The following ZNF280D variants were observed in gnomAD, a reference collection of about 807,000 sequenced individuals.
ZNF280D encodes suppressor of hairy wing homolog 4.
ZNF280D carries 39 observed loss-of-function variants against 94.7 expected under a neutral mutation model. The observed-to-expected ratio is 0.41, with a 90% confidence interval of 0.32 to 0.54. The LOEUF (loss-of-function observed/expected upper bound fraction) is 0.54. Among genes scored for constraint, ZNF280D ranks in the 20% least tolerant of loss-of-function variants. ZNF280D has a pLI of 0.22. For synonymous variants in ZNF280D, 398 were observed against 377.6 expected (o/e 1.05, Z -0.63); for missense variants, 1,090 against 1,149.3 (o/e 0.95, Z 0.75).
At chr15:56,691,827 G>A (rs2056440270) in intron 7 of ZNF280D, among the ~76,000 whole-genome samples, 1 of 152,106 alleles carries the variant, frequency 6.6e-6, no homozygotes, top group African/African-American at 2.4e-5. Context: ...CCTAAGTAGA[G>A]CAAGAATTAA....
chr15:56,717,652 C>G (rs527820054), intron 1 of ZNF280D, among the ~76,000 whole-genome samples: 1 of 152,030 alleles, frequency 6.6e-6, no homozygotes, highest in Non-Finnish European at 1.5e-5. Flanking sequence ...TATTATTTCA[C>G]CTAATCCTCA....
At chr15:56,726,316 T>A (rs1385667124) in intron 1 of ZNF280D, among the ~76,000 whole-genome samples, 1 of 152,164 alleles carries the variant, frequency 6.6e-6, no homozygotes, top group Non-Finnish European at 1.5e-5. Flanking sequence ...TAAAGTCCAG[T>A]ATACTATCAG....
chr15:56,707,603 CTT>C lies in ZNF280D; in HGVS notation c.-85-299_-85-298del, dbSNP rs527367357. Among the ~76,000 whole-genome samples, 253 of 152,198 alleles carry C rather than the reference CTT, an allele frequency of 1.7e-3. 1 individual carries two copies. The highest frequency in any genetic ancestry group is 5.8e-3 in the African/African-American group (239 of 41,550). ...CAATGTACTGGTTTTGGAAATCTAA[CTT>C]TTCAAACGCTGAGTGACATTAATCT... On this transcript the variant is annotated intron_variant, in intron 1 of 21. Coordinates refer to ENST00000267807, the MANE Select transcript of ZNF280D (RefSeq NM_017661.4).
intron 6 of ZNF280D, among the ~76,000 whole-genome samples, chr15:56,697,431 C>T (rs1436908055): frequency 2.0e-5 from 3 of 152,130 alleles, no homozygotes; most frequent in Admixed American, 6.5e-5. Flanking sequence ...GTGATCCACT[C>T]GCCTCGGCCT....
chr15:56,646,859 A>T (rs2052917710), intron 19 of ZNF280D, among the ~76,000 whole-genome samples: 1 of 152,266 alleles, frequency 6.6e-6, no homozygotes. Flanking sequence ...AAAAAGAGCA[A>T]GAATTAGCAA....
intron 1 of ZNF280D, among the ~76,000 whole-genome samples, chr15:56,716,734 T>C (rs560001446): frequency 2.0e-5 from 3 of 152,272 alleles, no homozygotes; most frequent in East Asian, 3.9e-4. Context: ...TATTTTACCC[T>C]ATTCTATACT....
intron 1 of ZNF280D, among the ~76,000 whole-genome samples, chr15:56,710,077 C>A (rs7164095): frequency 0.19 from 28,569 of 152,186 alleles, 2,807 homozygotes; most frequent in Middle Eastern, 0.32. Flanking sequence ...ATGGAGACAT[C>A]AAAGGCCTCA....
At chr15:56,651,161 C>T (rs536464927) in intron 19 of ZNF280D, among the ~76,000 whole-genome samples, 9 of 152,114 alleles carry the variant, frequency 5.9e-5, no homozygotes, top group Non-Finnish European at 1.2e-4. Context: ...ATACATGATG[C>T]CCAAAGAGGC....
At chr15:56,684,426 A>G (rs1230064907) in intron 9 of ZNF280D, among the ~76,000 whole-genome samples, 1 of 152,202 alleles carries the variant, frequency 6.6e-6, no homozygotes, top group Non-Finnish European at 1.5e-5. Context: ...TAAAAACATA[A>G]TGAAGCAACT....
chr15:56,715,487 C>T (rs1361604593), intron 1 of ZNF280D, among the ~76,000 whole-genome samples: 1 of 151,906 alleles, frequency 6.6e-6, no homozygotes, highest in East Asian at 1.9e-4. Context: ...AATGACTTAA[C>T]TAAGGGCAAT....
Position 56,658,492 on chromosome 15 carries a change from G to A in ZNF280D, c.1995-6C>T. On this transcript the variant is annotated splice_polypyrimidine_tract_variant and splice_region_variant and intron_variant, in intron 16 of 21. Transcript: ENST00000267807. The stretch of plus-strand genomic sequence containing the variant: ...TTGGACGGTTACTATGAAAGCTGGA[G>A]AAACAAAAGAGATAGTAAAAATTTT... The A allele has an allele frequency of 6.5e-7, 1 of 1,545,176 alleles. No individual in the cohort carries two copies. Among genetic ancestry groups the A allele is most frequent in the Non-Finnish European group, 8.7e-7 (1 of 1,152,498 alleles).
chr15:56,720,947 C>T (rs1197257730), intron 1 of ZNF280D, among the ~76,000 whole-genome samples: 2 of 120,582 alleles, frequency 1.7e-5, no homozygotes, highest in Admixed American at 1.1e-4. Context: ...AAAGCATAGG[C>T]AGAGTAGATT....
intron 1 of ZNF280D, among the ~76,000 whole-genome samples, chr15:56,710,073 A>C (rs1596610541): frequency 1.3e-5 from 2 of 152,200 alleles, no homozygotes; most frequent in Non-Finnish European, 1.5e-5. Context: ...TTCAATGGAG[A>C]CATCAAAGGC....
intron 13 of ZNF280D, 96 bp downstream of exon 13, chr15:56,676,574 G>T: frequency 8.9e-7 from 1 of 1,119,132 alleles, no homozygotes; most frequent in Non-Finnish European, 1.2e-6. Context: ...GAACAACTCT[G>T]CTTCTCTTGC....
At chr15:56,730,670 C>T (rs1354177097) in intron 1 of ZNF280D, 1 of 152,256 alleles carries the variant, frequency 6.6e-6, no homozygotes, top group East Asian at 1.9e-4. Context: ...TCTGCCTCCT[C>T]TCTCCTAGTC....
chr15:56,693,341 T>A lies in ZNF280D; in HGVS notation c.382-126A>T, dbSNP rs529541087. The A allele has an allele frequency of 1.4e-3, 341 of 240,850 alleles. 2 individuals carry two copies. The highest frequency in any genetic ancestry group is 7.5e-3 in the African/African-American group (324 of 43,384). 14.9% of individuals were successfully genotyped at this position (240,850 alleles called of 1,614,324 possible). On this transcript the variant is annotated intron_variant, in intron 6 of 21. Transcript: ENST00000267807. ...TTTATTTCATAGACATTTATAAAAG[T>A]AAATTGTATGCCCAATATTCTAAGG...
rs1228211840 is a variant in ZNF280D, at chr15:56,693,209, TATA to T, written c.385_387del (p.Tyr129del). ...GACACAACTCGTGATGAGTTTGTTA[TATA>T]ACCCTGTTAAATAGTTCAAAGGAAA... On this transcript the variant is annotated inframe_deletion, in exon 7 of 22. Transcript: ENST00000267807. 3 of 1,546,808 alleles carry T rather than the reference TATA, an allele frequency of 1.9e-6. No individual in the cohort carries two copies. Among genetic ancestry groups the T allele is most frequent in the Non-Finnish European group, 2.6e-6 (3 of 1,141,196 alleles).
At chr15:56,655,977 G>A (rs1352747729) in intron 17 of ZNF280D, among the ~76,000 whole-genome samples, 1 of 152,158 alleles carries the variant, frequency 6.6e-6, no homozygotes, top group Non-Finnish European at 1.5e-5. Context: ...AATGCCCCGT[G>A]CCTCTTCTAC....
chr15:56,694,772 T>C (rs903189015), intron 6 of ZNF280D, among the ~76,000 whole-genome samples: 4 of 152,106 alleles, frequency 2.6e-5, no homozygotes, highest in Admixed American at 1.3e-4. Flanking sequence ...GTATCCTGAA[T>C]AGGATACTGG....
Sources: gnomAD v4.1 joint callset for allele counts (sites outside exome capture counted in the v4.1 genomes callset) on GRCh38, gnomAD v4.1.1 for gene constraint, MANE v1.5 for transcripts, NCBI Gene and HGNC (gene_info 2026-07-23, HGNC 2026-07-21) for gene names.